ASH2L: variants seen among roughly 807,000 people sequenced by gnomAD.
ASH2L encodes the protein set1/Ash2 histone methyltransferase complex subunit ASH2.
Under a neutral mutation model 81.1 loss-of-function variants are expected in ASH2L, and 30 were observed. The observed-to-expected ratio is 0.37, with a 90% confidence interval of 0.28 to 0.50. The LOEUF is 0.50. ASH2L is among the 20% of genes least tolerant of loss of function. The pLI is 0.95. For synonymous variants in ASH2L, 273 were observed against 279.9 expected (o/e 0.98, Z 0.24); for missense variants, 559 against 792.1 (o/e 0.71, Z 3.53).
intron 9 of ASH2L, among the ~76,000 whole-genome samples, chr8:38,120,250 G>A (rs372730341): frequency 3.9e-5 from 6 of 152,168 alleles, no homozygotes; most frequent in African/African-American, 1.4e-4. Flanking sequence ...GGGAACCTAG[G>A]GAGTGAAGTT....
chr8:38,121,002 G>A lies in ASH2L; in HGVS notation c.1018G>A (p.Gly340Ser), dbSNP rs373871950. 6.2e-7 allele frequency: 1 copy of A among 1,613,598 alleles called. No homozygotes were observed. The highest frequency in any genetic ancestry group is 1.3e-5 in the African/African-American group (1 of 74,800). Residue 340 changes from glycine to serine, a missense_variant, in exon 10 of 16, where the codon GGC (glycine) becomes AGC (serine). Physicochemically the swap from Gly to Ser is moderately conservative, Grantham distance 56 (BLOSUM62 0). This residue lies in a region of ASH2L where 318 missense variants were observed against 527.0 expected (regional missense o/e 0.60). Transcript: ENST00000343823. ...YPLEHPFNKD[G>S]YRYILAEPDP... ...ATTGGAACACCCGTTTAACAAAGAT[G>A]GCTATCGGTATATTCTAGCTGAGCC...
intron 10 of ASH2L, among the ~76,000 whole-genome samples, chr8:38,125,476 G>T (rs1303271803): frequency 6.6e-6 from 1 of 151,566 alleles, no homozygotes. Context: ...CAAAATTGCG[G>T]GCCTGGTGGT....
chr8:38,120,851 C>A, intron 9 of ASH2L, 81 bp from the exon 10 acceptor site: 3 of 1,170,614 alleles, frequency 2.6e-6, no homozygotes, highest in Non-Finnish European at 3.8e-6. Flanking sequence ...TGAAATAAAC[C>A]AGAGGCCTTT....
At chr8:38,125,236 G>A (rs559556140) in intron 10 of ASH2L, among the ~76,000 whole-genome samples, 2 of 152,084 alleles carry the variant, frequency 1.3e-5, no homozygotes, top group Non-Finnish European at 2.9e-5. Context: ...TGCCATGTTT[G>A]CTTTATCTGT....
At chr8:38,128,158 C>A in intron 10 of ASH2L, 133 bp from the exon 11 acceptor site, 1 of 1,061,932 alleles carries the variant, frequency 9.4e-7, no homozygotes. Flanking sequence ...TTAAACTCCT[C>A]AACTAATATT....
At chr8:38,137,670 G>C (rs963216383) in intron 14 of ASH2L, 4 of 152,216 alleles carry the variant, frequency 2.6e-5, no homozygotes, top group Non-Finnish European at 4.4e-5. Flanking sequence ...GGAGGTTGCA[G>C]TGAGCCAAGA....
chr8:38,106,770 C>G (rs970900796), intron 2 of ASH2L, among the ~76,000 whole-genome samples: 2 of 151,920 alleles, frequency 1.3e-5, no homozygotes, highest in African/African-American at 4.8e-5. Flanking sequence ...CTCAGCCTCC[C>G]AGAGTGTTGG....
rs1563254214 is a variant in ASH2L at position 38,118,906 on chromosome 8, A to T, written c.854-364A>T. On this transcript the variant is annotated intron_variant, in intron 8 of 15. Coordinates refer to ENST00000343823, the MANE Select transcript of ASH2L (RefSeq NM_004674.5). ...TGGATGAAAAAAAATGTGCCCATACAGTTGTTTTCATTCTTTTTAGCTGTG... is the reference window on the plus strand; with the variant it reads ...TGGATGAAAAAAAATGTGCCCATACTGTTGTTTTCATTCTTTTTAGCTGTG... Among the ~76,000 whole-genome samples, 5 of 152,316 alleles carry T rather than the reference A, an allele frequency of 3.3e-5. No homozygotes were observed. The East Asian group carries it at 5.8e-4, about 18-fold the overall frequency.
At chr8:38,112,609 T>G (rs1317662422) in intron 5 of ASH2L, among the ~76,000 whole-genome samples, 2 of 152,126 alleles carry the variant, frequency 1.3e-5, no homozygotes, top group South Asian at 2.1e-4. Flanking sequence ...TATTGTGTGT[T>G]TTTTAGACTG....
chr8:38,121,327 T>TTTTA (rs772301956), intron 10 of ASH2L, among the ~76,000 whole-genome samples, 178 bp downstream of exon 10: 754 of 48,548 alleles, frequency 0.016, 76 homozygotes, highest in African/African-American at 0.034. Context: ...GCTCCAGCCG[T>TTTTA]TTTATTTATA....
intron 5 of ASH2L, among the ~76,000 whole-genome samples, chr8:38,113,142 TA>T (rs1228758909): frequency 2.0e-5 from 3 of 152,082 alleles, no homozygotes; most frequent in African/African-American, 7.2e-5. Context: ...CTGATTTTTG[TA>T]TTTTTTGGTA....
intron 12 of ASH2L, among the ~76,000 whole-genome samples, chr8:38,133,018 C>T (rs1368066997): frequency 4.0e-5 from 6 of 150,994 alleles, no homozygotes; most frequent in African/African-American, 1.5e-4. Context: ...ACCCGGGAGG[C>T]GGAGGTTGCA....
At chr8:38,136,547 G>T (rs1324911253) in intron 14 of ASH2L, among the ~76,000 whole-genome samples, 2 of 151,962 alleles carry the variant, frequency 1.3e-5, no homozygotes. Context: ...GGCCAAGGTG[G>T]GTGGATCACT....
intron 7 of ASH2L, 51 bp from the exon 8 acceptor site, chr8:38,116,599 A>G: frequency 7.2e-7 from 1 of 1,382,298 alleles, no homozygotes; most frequent in South Asian, 1.2e-5. Flanking sequence ...ATGAGCATCC[A>G]GATTGACTGA....
chr8:38,124,642 T>A (rs1215759911), intron 10 of ASH2L: 2 of 152,260 alleles, frequency 1.3e-5, no homozygotes, highest in Non-Finnish European at 2.9e-5. Flanking sequence ...CTCGAAATTC[T>A]CTCCCACCTT....
rs1448295624 is a variant in ASH2L, at chr8:38,105,718, T to C, written c.168T>C (p.Ser56=). 20 of 1,535,408 alleles carry C rather than the reference T, an allele frequency of 1.3e-5. No homozygotes were observed. The highest frequency in any genetic ancestry group is 1.7e-5 in the Non-Finnish European group (20 of 1,143,790). The part of the protein sequence containing the change: ...GISAAPTVEP[S]SGEAEGGEAN... ...CTGCTGCTCCGACAGTTGAGCCCAG[T>C]TCCGGGGAGGCTGAAGGCGGGTAAG... Residue 56 remains serine, a synonymous_variant, in exon 1 of 16, where the codon AGT becomes AGC. Coordinates refer to ENST00000343823, the MANE Select transcript of ASH2L (RefSeq NM_004674.5).
intron 3 of ASH2L, among the ~76,000 whole-genome samples, chr8:38,109,379 C>CTTGGT (rs140586866): frequency 0.015 from 2,352 of 152,284 alleles, 57 homozygotes; most frequent in African/African-American, 0.054. Flanking sequence ...TTGGTAAATG[C>CTTGGT]AGTCTTCTCT....
intron 2 of ASH2L, 93 bp downstream of exon 2, chr8:38,106,537 T>A: frequency 2.8e-6 from 3 of 1,076,196 alleles, no homozygotes; most frequent in South Asian, 1.5e-5. Context: ...CGACGGAGCC[T>A]TGCTCTGTCG....
intron 8 of ASH2L, chr8:38,117,439 TC>T: frequency 1.0e-6 from 1 of 985,388 alleles, no homozygotes; most frequent in Non-Finnish European, 1.2e-6. Flanking sequence ...TGGTGCCACT[TC>T]TGTTCTTACA....
Sources: allele counts gnomAD v4.1 joint callset (sites outside exome capture counted in the v4.1 genomes callset), GRCh38; gene constraint gnomAD v4.1.1; regional missense constraint gnomAD v4.1.1; transcripts MANE v1.5; gene names NCBI Gene and HGNC (gene_info 2026-07-23, HGNC 2026-07-21).